TBX3: variants seen among roughly 807,000 people sequenced by gnomAD.
TBX3 encodes T-box transcription factor 3.
Under a neutral mutation model 47.8 loss-of-function variants are expected in TBX3, and 11 were observed. That is an observed-to-expected ratio of 0.23 (90% CI 0.14 to 0.38). The LOEUF (loss-of-function observed/expected upper bound fraction) is 0.38, where lower values mean the gene tolerates loss of function less well. Among genes scored for constraint, TBX3 ranks in the 10% least tolerant of loss-of-function variants. The pLI is 1.00. For missense variants in TBX3, 927 were observed against 1,022.8 expected (o/e 0.91, Z 1.28); for synonymous variants, 500 against 449.3 (o/e 1.11, Z -1.43).
At chr12:114,676,704 G>A (rs1454501411) in intron 4 of TBX3, among the ~76,000 whole-genome samples, 1 of 152,208 alleles carries the variant, frequency 6.6e-6, no homozygotes, top group Non-Finnish European at 1.5e-5. Context: ...AAAGGAAGGA[G>A]GCTTCAGTTG....
chr12:114,674,402 C>A lies in TBX3; in HGVS notation c.1473G>T (p.Gln491His). ...LGFAPGLAGQ[Q>H]FFNGHPLFLH... The stretch of plus-strand genomic sequence containing the variant: ...GGAAGAGCGGGTGCCCGTTGAAGAA[C>A]TGTTGGCCCGCCAGGCCCGGGGCGA... Residue 491 changes from glutamine (Q) to histidine (H), a missense_variant, in exon 6 of 7, where the codon CAG becomes CAT. Coordinates refer to ENST00000349155, the MANE Select transcript of TBX3 (RefSeq NM_005996.4). 6.4e-7 allele frequency: 1 copy of A among 1,551,386 alleles called. No homozygotes were observed. Among genetic ancestry groups the A allele is most frequent in the African/African-American group, 1.4e-5 (1 of 73,220 alleles).
intron 5 of TBX3, among the ~76,000 whole-genome samples, chr12:114,675,254 A>T (rs1003825391): frequency 2.0e-5 from 3 of 152,226 alleles, no homozygotes; most frequent in African/African-American, 7.2e-5. Flanking sequence ...AACATATTCT[A>T]ATTACTATCA....
At position 114,672,256 on chromosome 12, in the gene TBX3, G is replaced by T. The variant is rs755884541; in HGVS notation, c.1757C>A (p.Thr586Lys). ...GGCGGCCGCCGCTGCGGCCATGTAC[G>T]TGTAGGGGTAAGGGAACAGGCTTCC... ...PFGSLFPYPY[T>K]YMAAAAAASS... Residue 586 changes from threonine to lysine, a missense_variant, in exon 7 of 7, where the codon ACG becomes AAG. Transcript: ENST00000349155. The T allele has an allele frequency of 6.3e-7, 1 of 1,576,800 alleles. No homozygotes were observed. The highest frequency in any genetic ancestry group is 1.2e-5 in the South Asian group (1 of 86,154).
At position 114,672,054 on chromosome 12, in the gene TBX3, T is replaced by A; in HGVS notation, c.1959A>T (p.Lys653Asn). The A allele has an allele frequency of 6.3e-7, 1 of 1,575,910 alleles. No individual in the cohort carries two copies. The highest frequency in any genetic ancestry group is 8.6e-7 in the Non-Finnish European group (1 of 1,161,488). The change falls in exon 7 of 7, where the codon AAA becomes AAT. Residue 653 changes from lysine (K) to asparagine (N), a missense_variant. By Grantham distance (94) the Lys-to-Asn change is moderately conservative. Transcript: ENST00000349155. ...MAAAAGPLDG[K>N]VAALAASPAS... is the part of the protein sequence containing the mutation. Reference sequence around the variant, plus strand: ...CCGGGCTGGCGGCCAGGGCGGCGACTTTGCCGTCCAGGGGCCCCGCGGCCG... The same window carrying A: ...CCGGGCTGGCGGCCAGGGCGGCGACATTGCCGTCCAGGGGCCCCGCGGCCG...
chr12:114,675,302 A>G (rs1016655595), intron 5 of TBX3, among the ~76,000 whole-genome samples: 2 of 152,152 alleles, frequency 1.3e-5, no homozygotes, highest in African/African-American at 2.4e-5. Context: ...ACCTTCCACA[A>G]ATTTGTGAAT....
intron 1 of TBX3, among the ~76,000 whole-genome samples, 184 bp downstream of exon 1, chr12:114,682,628 T>TAA (rs757280674): frequency 6.6e-6 from 1 of 152,034 alleles, no homozygotes; most frequent in Non-Finnish European, 1.5e-5. Flanking sequence ...CCCATGCAGA[T>TAA]GCCCAGGTAA....
At position 114,683,778 on chromosome 12, in the gene TBX3, GTCTC is replaced by G. The variant is rs1869062441; in HGVS notation, c.-582_-579del. On this transcript the variant is annotated 5_prime_UTR_variant, in exon 1 of 7. Coordinates refer to ENST00000349155, the MANE Select transcript of TBX3 (RefSeq NM_005996.4). This position sits in a 1 kb window ranked among gnomAD's most constrained non-coding sequence, Gnocchi z 7.7. The stretch of plus-strand genomic sequence containing the variant: ...AACAGGGAGCGAGAGAGCGGAAAAA[GTCTC>G]TCTCCTTTAAAAAAAAAAAAATCTG... 4.5e-6 allele frequency: 1 copy of G among 219,836 alleles called. No individual in the cohort carries two copies. The highest frequency in any genetic ancestry group is 2.4e-5 in the African/African-American group (1 of 40,980). 13.6% of individuals were successfully genotyped at this position (219,836 alleles called of 1,614,324 possible).
Position 114,674,397 on chromosome 12 carries a change from A to C in TBX3, c.1478T>G (p.Phe493Cys), listed in dbSNP as rs1398681508. The C allele has an allele frequency of 1.3e-6, 2 of 1,551,700 alleles. No homozygotes were observed. The highest frequency in any genetic ancestry group is 1.4e-5 in the African/African-American group (1 of 73,110). ...GTGCAGGAAGAGCGGGTGCCCGTTG[A>C]AGAACTGTTGGCCCGCCAGGCCCGG... is the stretch of plus-strand genomic sequence containing the variant. ...FAPGLAGQQF[F>C]NGHPLFLHPS... is the part of the protein sequence containing the mutation. Residue 493 changes from phenylalanine to cysteine, a missense_variant, in exon 6 of 7, where the codon TTC becomes TGC. Around this residue, in one of 5 missense-constraint regions of TBX3, gnomAD observed 623 missense variants for 569.0 expected, o/e 1.09. Transcript: ENST00000349155.
chr12:114,672,335 G>T, intron 6 of TBX3, 33 bp from the exon 7 acceptor site: 1 of 1,497,362 alleles, frequency 6.7e-7, no homozygotes, highest in Non-Finnish European at 8.9e-7. Flanking sequence ...CAGCGAGTCA[G>T]CCGGGTGGGA....
In TBX3 at chr12:114,674,510, G is replaced by A. The variant is rs1309962314; in HGVS notation, c.1365C>T (p.Gly455=). 1.3e-6 allele frequency: 2 copies of A among 1,510,418 alleles called. No individual in the cohort carries two copies. The highest frequency in any genetic ancestry group is 1.8e-6 in the Non-Finnish European group (2 of 1,133,554). 93.6% of individuals were successfully genotyped at this position (1,510,418 alleles called of 1,614,324 possible). A position where few individuals can be genotyped will look rare whatever the true frequency, so the allele number is the denominator to read the frequency against. ...AKVEEARALP[G]KEAFAPLTVQ... ...CCGTGAGCGGCGCGAAGGCCTCCTT[G>A]CCCGGGAGCGCGCGCGCCTCTTCCA... Residue 455 remains glycine, a synonymous_variant, in exon 6 of 7, where the codon GGC becomes GGT. Transcript: ENST00000349155.
chr12:114,676,617 C>T, intron 4 of TBX3, 147 bp from the exon 5 acceptor site: 1 of 1,083,842 alleles, frequency 9.2e-7, no homozygotes, highest in South Asian at 1.3e-5. Flanking sequence ...TCTGCTTGCC[C>T]CAGGGCAGCC....
At chr12:114,675,448 C>T (rs778542052) in intron 5 of TBX3, among the ~76,000 whole-genome samples, 145 of 152,290 alleles carry the variant, frequency 9.5e-4, no homozygotes, top group African/African-American at 1.2e-3. Context: ...AGATGAGTGT[C>T]GGACAGATGG....
At chr12:114,674,072 G>A in intron 6 of TBX3, 93 bp downstream of exon 6, 1 of 1,488,076 alleles carries the variant, frequency 6.7e-7, no homozygotes, top group East Asian at 2.4e-5. Flanking sequence ...CAGCTACTAG[G>A]CCAAAGGGAT....
rs765657055 is a variant in TBX3 at position 114,672,123 on chromosome 12, C to T, written c.1890G>A (p.Pro630=). 51 of 1,570,012 alleles carry T rather than the reference C, an allele frequency of 3.2e-5. No homozygotes were observed. The Middle Eastern group carries it at 6.7e-4, about 21-fold the overall frequency. ...CGGTGGTGAGCAGACTGCTGCCGTC[C>T]GGGACCGGCACCGGGATGGAGTAGG... ...YSPYSIPVPV[P]DGSSLLTTAL... is the part of the protein sequence containing the mutation. The change falls in exon 7 of 7, where the codon CCG becomes CCA. Residue 630 remains proline, a synonymous_variant. Coordinates refer to ENST00000349155, the MANE Select transcript of TBX3 (RefSeq NM_005996.4).
Position 114,674,650 on chromosome 12 carries a change from C to A in TBX3, c.1225G>T (p.Asp409Tyr). 6.2e-7 allele frequency: 1 copy of A among 1,607,332 alleles called. No individual in the cohort carries two copies. The highest frequency in any genetic ancestry group is 8.5e-7 in the Non-Finnish European group (1 of 1,178,906). Residue 409 changes from aspartate to tyrosine, a missense_variant, in exon 6 of 7, where the codon GAC becomes TAC. By Grantham distance (160) the Asp-to-Tyr change is radical. Transcript: ENST00000349155. ...TGGCGTGAGTCGGGCGACGCTTTGT[C>A]CAGCCGCCCGCTGTCCCGGGGCCGC... ...AERPRDSGRL[D>Y]KASPDSRHSP...
At chr12:114,675,903 C>G (rs1868688776) in intron 5 of TBX3, among the ~76,000 whole-genome samples, 1 of 152,122 alleles carries the variant, frequency 6.6e-6, no homozygotes, top group Admixed American at 6.5e-5. Context: ...CAGTCCAACA[C>G]ATTGTAACCT....
Position 114,683,276 on chromosome 12 carries a change from G to A in TBX3, c.-76C>T. On this transcript the variant is annotated 5_prime_UTR_variant, in exon 1 of 7. Transcript: ENST00000349155. This position sits in a 1 kb window ranked among gnomAD's most constrained non-coding sequence, Gnocchi z 7.7. ...TGTGTTTTGTTGTTTTTTTGTTGTTGTTTAACAGCAGCACATAATTCAAAA... is the reference window on the plus strand; with the variant it reads ...TGTGTTTTGTTGTTTTTTTGTTGTTATTTAACAGCAGCACATAATTCAAAA... The A allele has an allele frequency of 6.4e-7, 1 of 1,567,442 alleles. No homozygotes were observed. The highest frequency in any genetic ancestry group is 1.1e-5 in the South Asian group (1 of 87,846).
chr12:114,681,030 C>T lies in TBX3; in HGVS notation c.506G>A (p.Arg169Gln), dbSNP rs772182165. Residue 169 changes from arginine to glutamine, a missense_variant, in exon 2 of 7, where the codon CGG becomes CAG. By Grantham distance (43) the Arg-to-Gln change is conservative. This residue lies in a region of TBX3 where 216 missense variants were observed against 281.2 expected (regional missense o/e 0.77). Coordinates refer to ENST00000349155, the MANE Select transcript of TBX3 (RefSeq NM_005996.4). ...GTCGGCCTTACCAGCCACCATCCAC[C>T]GAGAATTGTGAAATTTATAACGACA... The part of the protein sequence containing the change: ...DDCRYKFHNS[R>Q]WMVAGKADPE... 17 of 1,614,030 alleles carry T rather than the reference C, an allele frequency of 1.1e-5. No homozygotes were observed. Among genetic ancestry groups the T allele is most frequent in the African/African-American group, 2.7e-5 (2 of 74,980 alleles).
chr12:114,679,461 A>G, intron 3 of TBX3, 44 bp downstream of exon 3: 1 of 1,613,844 alleles, frequency 6.2e-7, no homozygotes, highest in Non-Finnish European at 8.5e-7. Context: ...TTTTAAGGGG[A>G]AGGCAAAATA....
Sources: gnomAD v4.1 joint callset for allele counts (sites outside exome capture counted in the v4.1 genomes callset) on GRCh38, gnomAD v4.1.1 for gene constraint, gnomAD v4.1.1 regional missense constraint, Gnocchi (gnomAD v3.1) non-coding constraint, MANE v1.5 for transcripts, NCBI Gene and HGNC (gene_info 2026-07-23, HGNC 2026-07-21) for gene names.